The following EPHA3 variants were observed in gnomAD, a reference collection of about 807,000 sequenced individuals.
EPHA3 encodes the protein ephrin type-A receptor 3.
EPHA3 carries 42 observed loss-of-function variants against 107.1 expected under a neutral mutation model. That is an observed-to-expected ratio of 0.39 (90% CI 0.31 to 0.51). The LOEUF (loss-of-function observed/expected upper bound fraction) is 0.51, where lower values mean the gene tolerates loss of function less well. Among genes scored for constraint, EPHA3 ranks in the 20% least tolerant of loss-of-function variants. The pLI is 0.78. For synonymous variants in EPHA3, 461 were observed against 424.8 expected (o/e 1.09, Z -1.05); for missense variants, 1,183 against 1,211.2 (o/e 0.98, Z 0.35).
intron 12 of EPHA3, among the ~76,000 whole-genome samples, chr3:89,430,210 C>T (rs948216101): frequency 5.9e-5 from 9 of 152,210 alleles, no homozygotes; most frequent in African/African-American, 2.2e-4. Flanking sequence ...GACATAGGCC[C>T]TGTCCTCAAG....
chr3:89,356,278 G>T (rs898399027), intron 5 of EPHA3, among the ~76,000 whole-genome samples: 4 of 150,788 alleles, frequency 2.7e-5, no homozygotes, highest in African/African-American at 9.7e-5. Context: ...ATTGTGAATA[G>T]TGCTGCAATA....
In EPHA3 at chr3:89,245,321, G is replaced by A. The variant is rs1029547586; in HGVS notation, c.814+34801G>A. Among the ~76,000 whole-genome samples the A allele has an allele frequency of 1.3e-3, 201 of 152,240 alleles. 2 individuals carry two copies. Among genetic ancestry groups the A allele is most frequent in the African/African-American group, 4.6e-3 (190 of 41,548 alleles). On this transcript the variant is annotated intron_variant, in intron 3 of 16. Transcript: ENST00000336596. ...ATTTGAAGAATACTTGAAGGAACAAGAGTAGAAAATAGTAAGATATATCAG... is the reference window on the plus strand; with the variant it reads ...ATTTGAAGAATACTTGAAGGAACAAAAGTAGAAAATAGTAAGATATATCAG...
chr3:89,417,091 C>T (rs1443834212), intron 10 of EPHA3, among the ~76,000 whole-genome samples: 1 of 151,430 alleles, frequency 6.6e-6, no homozygotes, highest in Non-Finnish European at 1.5e-5. Context: ...TAGTGACCAA[C>T]ACTTAGATGT....
chr3:89,470,609 G>A (rs1426368030), intron 15 of EPHA3, among the ~76,000 whole-genome samples: 1 of 152,128 alleles, frequency 6.6e-6, no homozygotes, highest in South Asian at 2.1e-4. Flanking sequence ...CAGGCCTTAC[G>A]GTTCCAGTAT....
chr3:89,434,873 T>C (rs1559695346), intron 13 of EPHA3, among the ~76,000 whole-genome samples: 1 of 152,210 alleles, frequency 6.6e-6, no homozygotes, highest in African/African-American at 2.4e-5. Flanking sequence ...TTCGAGTTCT[T>C]CAGGGTTCAT....
chr3:89,131,392 G>T (rs1704204789), intron 2 of EPHA3, among the ~76,000 whole-genome samples: 1 of 152,026 alleles, frequency 6.6e-6, no homozygotes, highest in African/African-American at 2.4e-5. Context: ...TTAGGTTATT[G>T]TTTTTTTCTA....
chr3:89,317,811 C>A (rs983553156), intron 3 of EPHA3, among the ~76,000 whole-genome samples: 5 of 151,570 alleles, frequency 3.3e-5, no homozygotes, highest in Non-Finnish European at 7.4e-5. Flanking sequence ...TGTATTAGAT[C>A]AAAAATAATT....
In EPHA3 at chr3:89,479,477, C is replaced by G. The variant is rs2107581649; in HGVS notation, c.2927C>G (p.Ser976Ter). ...ISSIKALETQ[S>*]KNGPVPV ...AGCATTAAAGCTCTAGAAACGCAAT[C>G]AAAGAATGGCCCAGTTCCCGTGTAA... is the stretch of plus-strand genomic sequence containing the variant. The change falls in exon 17 of 17, where the codon TCA (serine) becomes TGA (stop). Residue 976 changes from serine to a stop codon, truncating the protein, a stop_gained. Transcript: ENST00000336596. LOFTEE classifies it high-confidence loss of function. 6.2e-7 allele frequency: 1 copy of G among 1,614,004 alleles called. No homozygotes were observed. The highest frequency in any genetic ancestry group is 1.3e-5 in the African/African-American group (1 of 75,016).
chr3:89,404,414 A>G (rs1304505556), intron 7 of EPHA3, among the ~76,000 whole-genome samples: 1 of 152,210 alleles, frequency 6.6e-6, no homozygotes, highest in East Asian at 1.9e-4. Flanking sequence ...GCAAACAAAT[A>G]TAAATCCAGG....
intron 3 of EPHA3, among the ~76,000 whole-genome samples, chr3:89,264,998 T>C (rs917018310): frequency 1.7e-4 from 26 of 152,202 alleles, no homozygotes; most frequent in African/African-American, 6.3e-4. Flanking sequence ...CTTATGCTTT[T>C]AATGTAGTAA....
chr3:89,366,313 A>AG (rs201205876), intron 5 of EPHA3, among the ~76,000 whole-genome samples: 2 of 150,648 alleles, frequency 1.3e-5, no homozygotes, highest in Non-Finnish European at 3.0e-5. Context: ...TAAAGGAGCA[A>AG]GGGGGGAGTT....
intron 3 of EPHA3, among the ~76,000 whole-genome samples, chr3:89,331,215 A>AT (rs557618495): frequency 1.7e-4 from 26 of 152,128 alleles, no homozygotes; most frequent in Non-Finnish European, 3.2e-4. Context: ...AGATATTTTG[A>AT]TTTTTTATTG....
chr3:89,348,053 C>T (rs1448059808), intron 5 of EPHA3, among the ~76,000 whole-genome samples: 1 of 150,188 alleles, frequency 6.7e-6, no homozygotes, highest in African/African-American at 2.4e-5. Flanking sequence ...CAATGTTCAT[C>T]AAGGATATTG....
intron 5 of EPHA3, among the ~76,000 whole-genome samples, chr3:89,377,953 C>T (rs1380384993): frequency 3.9e-5 from 6 of 151,924 alleles, no homozygotes. Context: ...TCTGGTAAAC[C>T]ACATGTACTA....
At position 89,429,167 on chromosome 3, in the gene EPHA3, TGTAA is replaced by T; in HGVS notation, c.2136+6_2136+9del. The T allele has an allele frequency of 6.2e-7, 1 of 1,609,352 alleles. No individual in the cohort carries two copies. Among genetic ancestry groups the T allele is most frequent in the Non-Finnish European group, 8.5e-7 (1 of 1,176,476 alleles). On this transcript the variant is annotated splice_donor_variant and splice_donor_region_variant and intron_variant, in intron 12 of 16. Coordinates refer to ENST00000336596, the MANE Select transcript of EPHA3 (RefSeq NM_005233.6). LOFTEE classifies it high-confidence loss of function. The stretch of plus-strand genomic sequence containing the variant: ...ATGGTTCCTTGGATAGTTTCCTACG[TGTAA>T]GTAAGATGCACACACATACATATAT...
At chr3:89,375,971 T>TA (rs1334007166) in intron 5 of EPHA3, among the ~76,000 whole-genome samples, 1 of 152,008 alleles carries the variant, frequency 6.6e-6, no homozygotes, top group Non-Finnish European at 1.5e-5. Context: ...TCTGCCTTTT[T>TA]ACACTACTTT....
In EPHA3 at chr3:89,308,027, G is replaced by A. The variant is rs572911201; in HGVS notation, c.815-32889G>A. ...ACTCTTTAGAGTGTAATCATTAAACGCATAGTGATTGCCTGAATCATCTAA... is the reference window on the plus strand; with the variant it reads ...ACTCTTTAGAGTGTAATCATTAAACACATAGTGATTGCCTGAATCATCTAA... On this transcript the variant is annotated intron_variant, in intron 3 of 16. Coordinates refer to ENST00000336596, the MANE Select transcript of EPHA3 (RefSeq NM_005233.6). Among the ~76,000 whole-genome samples the A allele has an allele frequency of 2.6e-5, 4 of 152,196 alleles. No homozygotes were observed. The East Asian group carries it at 5.8e-4, about 22-fold the overall frequency.
intron 13 of EPHA3, among the ~76,000 whole-genome samples, chr3:89,437,254 G>A (rs531198491): frequency 9.2e-5 from 14 of 151,954 alleles, no homozygotes; most frequent in African/African-American, 3.1e-4. Context: ...CTAAATTATG[G>A]CATAGTTTTA....
At position 89,136,330 on chromosome 3, in the gene EPHA3, C is replaced by CTTTTTTTTTTTTTTTTTTTTTTTTTTTTT. The variant is rs67054298; in HGVS notation, c.153+9081_153+9082insTTTTTTTTTTTTTTTTTTTTTTTTTTTTT. Reference sequence around the variant, plus strand: ...GAAAAACATGGCAAAATCTTACAGGCTTTTTTTTTTTTTTTTTTTTTTTTG... The same window carrying CTTTTTTTTTTTTTTTTTTTTTTTTTTTTT: ...GAAAAACATGGCAAAATCTTACAGGCTTTTTTTTTTTTTTTTTTTTTTTTTTTTTTTTTTTTTTTTTTTTTTTTTTTTTG... On this transcript the variant is annotated intron_variant, in intron 2 of 16. Transcript: ENST00000336596. Among the ~76,000 whole-genome samples the CTTTTTTTTTTTTTTTTTTTTTTTTTTTTT allele has an allele frequency of 6.8e-4, 16 of 23,370 alleles. 3 individuals are homozygous for CTTTTTTTTTTTTTTTTTTTTTTTTTTTTT. The highest frequency in any genetic ancestry group is 8.6e-4 in the Admixed American group (1 of 1,162). 15.3% of individuals were successfully genotyped at this position (23,370 alleles called of 152,430 possible).
Sources: allele counts gnomAD v4.1 joint callset (sites outside exome capture counted in the v4.1 genomes callset), GRCh38; gene constraint gnomAD v4.1.1; transcripts MANE v1.5; gene names NCBI Gene and HGNC (gene_info 2026-07-23, HGNC 2026-07-21).